SVEP1: variants seen among roughly 807,000 people sequenced by gnomAD.
The protein encoded by SVEP1 is sushi, von Willebrand factor type A, EGF and pentraxin domain-containing protein 1.
Under a neutral mutation model 367.3 loss-of-function variants are expected in SVEP1, and 164 were observed. The observed-to-expected ratio is 0.45, with a 90% CI of 0.39 to 0.51. The LOEUF (loss-of-function observed/expected upper bound fraction) is 0.51, where lower values mean the gene tolerates loss of function less well. Among genes scored for constraint, SVEP1 ranks in the 20% least tolerant of loss-of-function variants. The probability of loss-of-function intolerance (pLI) is 0.00; values close to 1 mark genes in which losing one functional copy is unlikely to be tolerated. For missense variants in SVEP1, 4,117 were observed against 4,425.3 expected (o/e 0.93, Z 1.98); for synonymous variants, 1,666 against 1,611.6 (o/e 1.03, Z -0.81).
rs910751829 is a variant in SVEP1 at position 110,390,027 on chromosome 9, GTATATATA to G, written c.9823-448_9823-441del. 3.2e-5 allele frequency among the ~76,000 whole-genome samples: 3 copies of G among 93,078 alleles called. No individual in the cohort carries two copies. In the Admixed American group the frequency reaches 3.9e-4, roughly 12 times the overall value. The allele number at this position is 93,078 out of a possible 152,430, so 61.1% of individuals were successfully genotyped here. ...TATACACATAAGTGTGTGTGTGTGT[GTATATATA>G]TATAAGTATATATACACGTATATAT... On this transcript the variant is annotated intron_variant, in intron 40 of 47. Coordinates refer to ENST00000374469, the MANE Select transcript of SVEP1 (RefSeq NM_153366.4).
chr9:110,432,291 A>ACATTTCTGG (rs1306502288), intron 31 of SVEP1, among the ~76,000 whole-genome samples, 171 bp downstream of exon 31: 1 of 152,212 alleles, frequency 6.6e-6, no homozygotes, highest in African/African-American at 2.4e-5. Flanking sequence ...AAAATTTAAA[A>ACATTTCTGG]CATTTCTGGC....
chr9:110,369,416 G>A (rs778169679), intron 47 of SVEP1, among the ~76,000 whole-genome samples: 18 of 152,112 alleles, frequency 1.2e-4, no homozygotes, highest in African/African-American at 3.4e-4. Flanking sequence ...TAAAATAAAC[G>A]TTTCTTATCA....
chr9:110,460,785 G>T (rs778596910), intron 18 of SVEP1, among the ~76,000 whole-genome samples: 3 of 151,962 alleles, frequency 2.0e-5, no homozygotes, highest in Non-Finnish European at 4.4e-5. Context: ...TTCAAGGAAG[G>T]TATTAAAATC....
At position 110,479,739 on chromosome 9, in the gene SVEP1, G is replaced by T. The variant is rs773750438; in HGVS notation, c.2383C>A (p.His795Asn). The T allele has an allele frequency of 1.2e-6, 2 of 1,603,088 alleles. No individual in the cohort carries two copies. The highest frequency in any genetic ancestry group is 4.5e-5 in the East Asian group (2 of 44,388). ...PDCAKKRFAN[H>N]GFKSFEMFYK... ...AACATCTCAAAGGACTTGAACCCGT[G>T]GTTTGCAAAACGTTTTTCTAGAAAA... The change falls in exon 13 of 48, where the codon CAC (histidine) becomes AAC (asparagine). Residue 795 changes from histidine (H) to asparagine (N), a missense_variant. Transcript: ENST00000374469.
At chr9:110,399,080 A>G (rs966405692) in intron 40 of SVEP1, among the ~76,000 whole-genome samples, 8 of 152,106 alleles carry the variant, frequency 5.3e-5, no homozygotes, top group African/African-American at 1.4e-4. Context: ...CAATAGCAAA[A>G]ACTTGGAACC....
At chr9:110,395,449 A>G (rs10980368) in intron 40 of SVEP1, among the ~76,000 whole-genome samples, 129,015 of 151,454 alleles carry the variant, frequency 0.85, 55,293 homozygotes, top group African/African-American at 0.95. Context: ...ATCAACTAAC[A>G]AGCAAAATAG....
chr9:110,431,370 A>C (rs1249606800), intron 32 of SVEP1, among the ~76,000 whole-genome samples: 1 of 152,210 alleles, frequency 6.6e-6, no homozygotes, highest in Non-Finnish European at 1.5e-5. Context: ...GTTCATATAG[A>C]CATCTTATTG....
At chr9:110,409,613 T>C (rs1040061273) in intron 37 of SVEP1, among the ~76,000 whole-genome samples, 6 of 152,160 alleles carry the variant, frequency 3.9e-5, no homozygotes, top group Admixed American at 3.3e-4. Flanking sequence ...AAAGAAATGC[T>C]AGTAAAGAAG....
chr9:110,383,454 G>A (rs11791430), intron 43 of SVEP1, among the ~76,000 whole-genome samples: 12,298 of 150,922 alleles, frequency 0.081, 978 homozygotes, highest in African/African-American at 0.21. Flanking sequence ...TCCTCTGGGA[G>A]CTCTGTCCCA....
intron 3 of SVEP1, among the ~76,000 whole-genome samples, chr9:110,536,575 A>T (rs1307438061): frequency 6.6e-6 from 1 of 151,916 alleles, no homozygotes; most frequent in Non-Finnish European, 1.5e-5. Flanking sequence ...TGAACTTCTC[A>T]CCCCTTCAAA....
At chr9:110,493,659 GA>G (rs1366883542) in intron 8 of SVEP1, among the ~76,000 whole-genome samples, 3 of 152,120 alleles carry the variant, frequency 2.0e-5, no homozygotes, top group Non-Finnish European at 4.4e-5. Flanking sequence ...TTGAACCTGG[GA>G]GGTGGAGGCT....
At chr9:110,503,242 TC>T in intron 5 of SVEP1, 25 bp from the exon 6 acceptor site, 6 of 1,594,106 alleles carry the variant, frequency 3.8e-6, no homozygotes, top group Non-Finnish European at 5.1e-6. Context: ...AGCAATTAGA[TC>T]ACATTTTGCT....
At chr9:110,509,979 T>C (rs1307089723) in intron 5 of SVEP1, among the ~76,000 whole-genome samples, 2 of 152,172 alleles carry the variant, frequency 1.3e-5, no homozygotes, top group African/African-American at 2.4e-5. Context: ...CAAGTTAGGG[T>C]TGATCAAAAG....
At chr9:110,465,749 A>G (rs1332336323) in intron 18 of SVEP1, 116 bp downstream of exon 18, 3 of 1,277,072 alleles carry the variant, frequency 2.3e-6, no homozygotes, top group Non-Finnish European at 2.1e-6. Flanking sequence ...ATGAAGAGAC[A>G]GTTATTTCCA....
At chr9:110,480,114 T>TATA (rs772483480) in intron 12 of SVEP1, among the ~76,000 whole-genome samples, 59 of 152,356 alleles carry the variant, frequency 3.9e-4, no homozygotes, top group East Asian at 5.8e-4. Context: ...TTATATCTTA[T>TATA]ATAGCACATA....
In SVEP1 at chr9:110,460,798, C is replaced by T. The variant is rs553174508; in HGVS notation, c.3323-1685G>A. Among the ~76,000 whole-genome samples, 3 of 151,866 alleles carry T rather than the reference C, an allele frequency of 2.0e-5. No homozygotes were observed. In the South Asian group the frequency reaches 6.2e-4, roughly 32 times the overall value. Reference sequence around the variant, plus strand: ...AATTCAAGGAAGGTATTAAAATCTTCCATGAAAATTTTATTTTTACAATTT... The same window carrying T: ...AATTCAAGGAAGGTATTAAAATCTTTCATGAAAATTTTATTTTTACAATTT... On this transcript the variant is annotated intron_variant, in intron 18 of 47. Coordinates refer to ENST00000374469, the MANE Select transcript of SVEP1 (RefSeq NM_153366.4).
rs780411237 is a variant in SVEP1 at position 110,411,118 on chromosome 9, G to A, written c.6593C>T (p.Thr2198Met). The A allele has an allele frequency of 8.1e-6, 13 of 1,611,032 alleles. No homozygotes were observed. The highest frequency in any genetic ancestry group is 4.5e-5 in the East Asian group (2 of 44,848). ...ATGQWSSPIP[T>M]CHPVSCGEPP... ...TTCACCACAAGATACCGGGTGGCAC[G>A]TCGGTATAGGACTACTCCACTGCCC... The change falls in exon 37 of 48, where the codon ACG becomes ATG. Residue 2198 changes from threonine to methionine, a missense_variant. This residue lies in a region of SVEP1 where 1,765 missense variants were observed against 1,781.1 expected (regional missense o/e 0.99). Transcript: ENST00000374469.
chr9:110,510,033 T>A (rs1564163081), intron 5 of SVEP1, among the ~76,000 whole-genome samples: 1 of 152,150 alleles, frequency 6.6e-6, no homozygotes, highest in African/African-American at 2.4e-5. Context: ...GAGGAAGTGG[T>A]CATTGTCATC....
At chr9:110,395,686 AG>A in intron 40 of SVEP1, among the ~76,000 whole-genome samples, 1 of 151,390 alleles carries the variant, frequency 6.6e-6, no homozygotes, top group East Asian at 1.9e-4. Context: ...AAACAAAAAA[AG>A]GCAGGGGTTG....
Sources: gnomAD v4.1 joint callset for allele counts (sites outside exome capture counted in the v4.1 genomes callset) on GRCh38, gnomAD v4.1.1 for gene constraint, gnomAD v4.1.1 regional missense constraint, MANE v1.5 for transcripts, NCBI Gene and HGNC (gene_info 2026-07-23, HGNC 2026-07-21) for gene names.